Variants in SHROOM3 observed in about 807,000 individuals in gnomAD.
SHROOM3 encodes shroom family member 3, also known as protein Shroom3.
SHROOM3 carries 47 observed loss-of-function variants against 138.6 expected under a neutral mutation model. That is an observed-to-expected ratio of 0.34 (90% confidence interval 0.27 to 0.43). The LOEUF is 0.43. SHROOM3 is among the 20% of genes least tolerant of loss of function. The probability of loss-of-function intolerance (pLI) is 1.00; values close to 1 mark genes in which losing one functional copy is unlikely to be tolerated. For missense variants in SHROOM3, 2,491 were observed against 2,596.5 expected (o/e 0.96, Z 0.88); for synonymous variants, 1,062 against 1,063.3 (o/e 1.00, Z 0.02).
At chr4:76,742,528 G>A (rs1721296341) in intron 5 of SHROOM3, among the ~76,000 whole-genome samples, 1 of 152,042 alleles carries the variant, frequency 6.6e-6, no homozygotes. Context: ...TCCCACCTCA[G>A]CTCTTTCTGT....
intron 1 of SHROOM3, among the ~76,000 whole-genome samples, chr4:76,443,341 G>A (rs1228981211): frequency 1.3e-5 from 2 of 152,170 alleles, no homozygotes; most frequent in Non-Finnish European, 2.9e-5. Context: ...CTATGCAGGG[G>A]ACACAATTTA....
chr4:76,490,594 G>GTTTTCC (rs1309839595), intron 1 of SHROOM3, among the ~76,000 whole-genome samples: 2 of 152,062 alleles, frequency 1.3e-5, no homozygotes, highest in African/African-American at 2.4e-5. Context: ...AAAAGTTAGG[G>GTTTTCC]TTTTCCTTTC....
rs61374645 is a variant in SHROOM3, at chr4:76,646,225, A to AATAAATAAATATAT, written c.324-63928_324-63927insAATAAATATATATA. Among the ~76,000 whole-genome samples the AATAAATAAATATAT allele has an allele frequency of 7.0e-4, 67 of 96,138 alleles. 1 individual carries two copies. Among genetic ancestry groups the AATAAATAAATATAT allele is most frequent in the African/African-American group, 1.7e-3 (38 of 22,678 alleles). The allele number at this position is 96,138 out of a possible 152,430, so 63.1% of individuals were successfully genotyped here. On this transcript the variant is annotated intron_variant, in intron 2 of 10. Coordinates refer to ENST00000296043, the MANE Select transcript of SHROOM3 (RefSeq NM_020859.4). ...CCTAGAACTTAAAGTATAATAAATAAATATATATATATATATATATATAAA... is the reference window on the plus strand; with the variant it reads ...CCTAGAACTTAAAGTATAATAAATAAATAAATAAATATATATATATATATATATATATATATAAA...
At chr4:76,634,010 GT>G (rs1735419675) in intron 2 of SHROOM3, among the ~76,000 whole-genome samples, 1 of 152,156 alleles carries the variant, frequency 6.6e-6, no homozygotes, top group South Asian at 2.1e-4. Context: ...TCTTAATGGT[GT>G]TTTTAAATCT....
Position 76,741,891 on chromosome 4 carries a change from T to C in SHROOM3, c.3718T>C (p.Ser1240Pro). The change falls in exon 5 of 11, where the codon TCC becomes CCC. Residue 1240 changes from serine (S) to proline (P), a missense_variant. Physicochemically the swap from Ser to Pro is moderately conservative, Grantham distance 74. Transcript: ENST00000296043. This position sits in a 1 kb window ranked among gnomAD's most constrained non-coding sequence, Gnocchi z 6.2. ...CCTTGCGGGCCCTGTCCATGTGAGG[T>C]CCAGGTCATCTCCCGCCACCGCAGA... ...DVLAGPVHVR[S>P]RSSPATADKR... is the part of the protein sequence containing the mutation. 2 of 1,612,100 alleles carry C rather than the reference T, an allele frequency of 1.2e-6. No homozygotes were observed. Among genetic ancestry groups the C allele is most frequent in the Non-Finnish European group, 1.7e-6 (2 of 1,179,864 alleles).
chr4:76,588,363 A>G (rs1238099139), intron 2 of SHROOM3, among the ~76,000 whole-genome samples: 2 of 152,198 alleles, frequency 1.3e-5, no homozygotes, highest in Non-Finnish European at 2.9e-5. Flanking sequence ...GACCATTTTT[A>G]AAAGCCTCCT....
Position 76,757,201 on chromosome 4 carries a change from T to C in SHROOM3, c.5198+264T>C, listed in dbSNP as rs1180800207. 4 of 446,594 alleles carry C rather than the reference T, an allele frequency of 9.0e-6. No individual in the cohort carries two copies. In the East Asian group the frequency reaches 1.7e-4, roughly 19 times the overall value. The allele number at this position is 446,594 out of a possible 1,614,324, so 27.7% of individuals were successfully genotyped here. A position where few individuals can be genotyped will look rare whatever the true frequency, so the allele number is the denominator to read the frequency against. ...CGTTGTGTGTCAAACATTGTATTAA[T>C]TTATTTATATCAACATTATTTAATT... On this transcript the variant is annotated intron_variant, in intron 8 of 10. Transcript: ENST00000296043.
chr4:76,738,948 G>A lies in SHROOM3; in HGVS notation c.775G>A (p.Ala259Thr). Residue 259 changes from alanine to threonine, a missense_variant, in exon 5 of 11, where the codon GCT (alanine) becomes ACT (threonine). Coordinates refer to ENST00000296043, the MANE Select transcript of SHROOM3 (RefSeq NM_020859.4). Reference sequence around the variant, plus strand: ...CCACTTCCATAACAAGAGAGACTCGGCTTACAGCTCTTTCTCCACCAGTTC... The same window carrying A: ...CCACTTCCATAACAAGAGAGACTCGACTTACAGCTCTTTCTCCACCAGTTC... Reference protein sequence around the residue: ...LSHFHNKRDSAYSSFSTSSSI... With the variant: ...LSHFHNKRDSTYSSFSTSSSI... The A allele has an allele frequency of 6.2e-7, 1 of 1,614,224 alleles. No homozygotes were observed. The highest frequency in any genetic ancestry group is 8.5e-7 in the Non-Finnish European group (1 of 1,180,046).
At chr4:76,459,304 A>G (rs1335059918) in intron 1 of SHROOM3, among the ~76,000 whole-genome samples, 2 of 152,162 alleles carry the variant, frequency 1.3e-5, no homozygotes, top group East Asian at 3.9e-4. Context: ...GGGAGTTTTT[A>G]ACGCTAGGTT....
intron 6 of SHROOM3, among the ~76,000 whole-genome samples, chr4:76,749,723 T>C (rs547358358): frequency 6.6e-6 from 1 of 152,344 alleles, no homozygotes; most frequent in Admixed American, 6.5e-5. Context: ...AAGTCGTTTT[T>C]TTAAAATGCC....
intron 3 of SHROOM3, among the ~76,000 whole-genome samples, chr4:76,722,848 G>C (rs1204851543): frequency 6.6e-6 from 1 of 152,004 alleles, no homozygotes; most frequent in Non-Finnish European, 1.5e-5. Context: ...GATGGACTTT[G>C]TCTCATAGTA....
chr4:76,735,605 CAAG>C (rs1300590219), intron 4 of SHROOM3, among the ~76,000 whole-genome samples: 1 of 151,252 alleles, frequency 6.6e-6, no homozygotes, highest in Non-Finnish European at 1.5e-5. Flanking sequence ...TTTGGGAGGC[CAAG>C]GAGGGTGGAT....
At chr4:76,591,607 A>T (rs1734273862) in intron 2 of SHROOM3, among the ~76,000 whole-genome samples, 1 of 152,204 alleles carries the variant, frequency 6.6e-6, no homozygotes, top group African/African-American at 2.4e-5. Flanking sequence ...TATTATTCAG[A>T]TGTAATACAT....
chr4:76,489,042 C>CA (rs1731795265), intron 1 of SHROOM3, among the ~76,000 whole-genome samples: 1 of 152,186 alleles, frequency 6.6e-6, no homozygotes, highest in Non-Finnish European at 1.5e-5. Flanking sequence ...CTAGCCAGGG[C>CA]TCTGGAGGAA....
chr4:76,608,042 TG>T (rs1244133705), intron 2 of SHROOM3, among the ~76,000 whole-genome samples: 1 of 152,140 alleles, frequency 6.6e-6, no homozygotes, highest in Non-Finnish European at 1.5e-5. Context: ...CCTACTTCAC[TG>T]GCCTGGCCAG....
At chr4:76,760,288 C>A (rs1721948683) in intron 9 of SHROOM3, among the ~76,000 whole-genome samples, 2 of 152,206 alleles carry the variant, frequency 1.3e-5, no homozygotes, top group African/African-American at 2.4e-5. Context: ...TGTTAAGACA[C>A]TTAAAAAATG....
rs781409454 is a variant in SHROOM3, at chr4:76,741,201, C to T, written c.3028C>T (p.Arg1010Cys). Residue 1010 changes from arginine to cysteine, a missense_variant, in exon 5 of 11, where the codon CGC (arginine) becomes TGC (cysteine). Arg to Cys is a radical substitution (Grantham distance 180, BLOSUM62 -3). This residue lies in a region of SHROOM3 where 1,733 missense variants were observed against 1,661.6 expected (regional missense o/e 1.04). Coordinates refer to ENST00000296043, the MANE Select transcript of SHROOM3 (RefSeq NM_020859.4). The surrounding 1 kb of genome is among the most constrained non-coding windows in gnomAD (Gnocchi z 6.2). The stretch of plus-strand genomic sequence containing the variant: ...TGCCGCCCGGAGAGGTGCTCGCCGG[C>T]GCCTGACTCCCGAGCAGAAGAAGCG... ...PPAARRGARRRLTPEQKKRSY... is the reference protein window; with the variant it reads ...PPAARRGARRCLTPEQKKRSY... 3.7e-6 allele frequency: 6 copies of T among 1,603,084 alleles called. No homozygotes were observed. The South Asian group carries it at 4.5e-5, about 12-fold the overall frequency.
intron 2 of SHROOM3, among the ~76,000 whole-genome samples, chr4:76,561,605 CT>C (rs1278775362): frequency 1.3e-5 from 2 of 148,234 alleles, no homozygotes; most frequent in Admixed American, 6.8e-5. Flanking sequence ...GTCTTAGGGA[CT>C]TTTGGCCCCT....
intron 2 of SHROOM3, among the ~76,000 whole-genome samples, chr4:76,599,094 C>T (rs567325636): frequency 6.6e-6 from 1 of 152,204 alleles, no homozygotes; most frequent in African/African-American, 2.4e-5. Flanking sequence ...AGGATGACTC[C>T]TAGGGTTTTA....
Sources: allele counts gnomAD v4.1 joint callset (sites outside exome capture counted in the v4.1 genomes callset), GRCh38; gene constraint gnomAD v4.1.1; regional missense constraint gnomAD v4.1.1; non-coding constraint Gnocchi (gnomAD v3.1); transcripts MANE v1.5; gene names NCBI Gene and HGNC (gene_info 2026-07-23, HGNC 2026-07-21).